Variants in CAB39L observed in about 807,000 individuals in gnomAD.
CAB39L encodes calcium-binding protein 39-like.
Under a neutral mutation model 39.1 loss-of-function variants are expected in CAB39L, and 23 were observed. That is an observed-to-expected ratio of 0.59 (90% CI 0.42 to 0.83). The LOEUF is 0.83. Among genes scored for constraint, CAB39L ranks in the 40% least tolerant of loss-of-function variants. The probability of loss-of-function intolerance (pLI) is 0.00; values close to 1 mark genes in which losing one functional copy is unlikely to be tolerated. For missense variants in CAB39L, 366 were observed against 391.9 expected, an observed-to-expected ratio of 0.93 and a Z score of 0.56; for synonymous variants, 126 against 137.2, an observed-to-expected ratio of 0.92 and a Z score of 0.57.
intron 4 of CAB39L, among the ~76,000 whole-genome samples, chr13:49,380,016 A>G (rs2138582818): frequency 6.6e-6 from 1 of 151,940 alleles, no homozygotes; most frequent in East Asian, 1.9e-4. Context: ...TAATTTTTAT[A>G]CTTTTAGTAG....
intron 8 of CAB39L, among the ~76,000 whole-genome samples, chr13:49,340,741 C>G (rs73485423): frequency 0.061 from 9,258 of 152,214 alleles, 627 homozygotes; most frequent in African/African-American, 0.16. Context: ...ATGACCTACT[C>G]CCGAGTCCAC....
chr13:49,413,939 A>G (rs916711612), intron 3 of CAB39L: 17 of 150,642 alleles, frequency 1.1e-4, no homozygotes, highest in Admixed American at 2.0e-4. Context: ...CTAGTTCCAA[A>G]TATGTATTCC....
At chr13:49,384,417 C>G (rs1237323953) in intron 3 of CAB39L, among the ~76,000 whole-genome samples, 1 of 152,134 alleles carries the variant, frequency 6.6e-6, no homozygotes, top group Non-Finnish European at 1.5e-5. Flanking sequence ...AGAGTTAGAA[C>G]CAACTTCTTC....
At chr13:49,442,997 A>G (rs1957567287) in intron 1 of CAB39L, among the ~76,000 whole-genome samples, 1 of 151,282 alleles carries the variant, frequency 6.6e-6, no homozygotes, top group African/African-American at 2.4e-5. Context: ...CTACCACAAA[A>G]TATTAGCCTT....
At chr13:49,392,056 C>G (rs1156565317) in intron 3 of CAB39L, among the ~76,000 whole-genome samples, 1 of 151,264 alleles carries the variant, frequency 6.6e-6, no homozygotes, top group African/African-American at 2.4e-5. Context: ...AAATATATAT[C>G]AAGCAATATT....
At chr13:49,411,599 T>G (rs1956991828) in intron 3 of CAB39L, among the ~76,000 whole-genome samples, 1 of 152,104 alleles carries the variant, frequency 6.6e-6, no homozygotes, top group Non-Finnish European at 1.5e-5. Context: ...GCATTATAAT[T>G]TATTTTATTT....
intron 3 of CAB39L, among the ~76,000 whole-genome samples, chr13:49,421,073 G>A (rs1031165225): frequency 7.9e-5 from 12 of 152,094 alleles, no homozygotes; most frequent in Non-Finnish European, 1.3e-4. Context: ...GGGACCTCAG[G>A]ACCCAGGAGA....
chr13:49,325,486 G>A (rs963744921), intron 10 of CAB39L, among the ~76,000 whole-genome samples: 1 of 152,196 alleles, frequency 6.6e-6, no homozygotes, highest in Non-Finnish European at 1.5e-5. Context: ...GTAGTTTGGT[G>A]TGCTAGAAAG....
At chr13:49,387,576 C>T (rs558786456) in intron 3 of CAB39L, among the ~76,000 whole-genome samples, 137 of 152,220 alleles carry the variant, frequency 9.0e-4, no homozygotes, top group Admixed American at 2.6e-3. Context: ...TTTTCCTCTT[C>T]CAGCAGTCAG....
intron 3 of CAB39L, chr13:49,401,247 C>G (rs566963713): frequency 6.6e-6 from 1 of 152,126 alleles, no homozygotes; most frequent in Non-Finnish European, 1.5e-5. Flanking sequence ...TAGCCTTTAT[C>G]GTCCATTTAA....
At chr13:49,377,499 C>A (rs1331722837) in intron 4 of CAB39L, among the ~76,000 whole-genome samples, 1 of 91,028 alleles carries the variant, frequency 1.1e-5, no homozygotes, top group Non-Finnish European at 2.2e-5. Flanking sequence ...TGCAACCTCC[C>A]TGCCTGATTC....
intron 3 of CAB39L, among the ~76,000 whole-genome samples, chr13:49,406,332 T>TA (rs1555264229): frequency 0.29 from 32,392 of 111,198 alleles, 4,425 homozygotes; most frequent in Middle Eastern, 0.47. Context: ...CATGCCCAGC[T>TA]ATTTTTTTTT....
At chr13:49,330,450 C>G (rs1432053155) in intron 10 of CAB39L, among the ~76,000 whole-genome samples, 2 of 151,896 alleles carry the variant, frequency 1.3e-5, no homozygotes, top group African/African-American at 4.8e-5. Context: ...CACAGCAAGA[C>G]CCTGTTTCTT....
chr13:49,355,072 G>A (rs1008496194), intron 6 of CAB39L, among the ~76,000 whole-genome samples: 4 of 152,056 alleles, frequency 2.6e-5, no homozygotes, highest in African/African-American at 9.7e-5. Flanking sequence ...AGAAACATTT[G>A]CTGACTAAAA....
At chr13:49,397,976 G>A (rs1343153391) in intron 3 of CAB39L, among the ~76,000 whole-genome samples, 1 of 151,988 alleles carries the variant, frequency 6.6e-6, no homozygotes, top group Admixed American at 6.6e-5. Context: ...ATTAAGACAT[G>A]GTTTATACAA....
chr13:49,309,886 TAGA>T lies in CAB39L; in HGVS notation c.*925_*927del, dbSNP rs1209452739. ...TCCTTCCAATGGTTATTGATACTGA[TAGA>T]AGTTCCCCGCTGAGACTCCCTGGAC... On this transcript the variant is annotated 3_prime_UTR_variant, in exon 11 of 11. Coordinates refer to ENST00000409308, the MANE Select transcript of CAB39L (RefSeq NM_001079670.3). The T allele has an allele frequency of 6.6e-6, 1 of 152,338 alleles. No homozygotes were observed. Among genetic ancestry groups the T allele is most frequent in the South Asian group, 2.1e-4 (1 of 4,828 alleles). 9.4% of individuals were successfully genotyped at this position (152,338 alleles called of 1,614,324 possible).
intron 3 of CAB39L, among the ~76,000 whole-genome samples, chr13:49,417,136 T>G (rs1439254618): frequency 2.0e-5 from 3 of 152,230 alleles, no homozygotes; most frequent in African/African-American, 7.2e-5. Context: ...AATCCATTCC[T>G]GATTAGTGTT....
At chr13:49,339,830 T>A (rs1954954589) in intron 8 of CAB39L, 88 bp from the exon 9 acceptor site, 2 of 1,308,606 alleles carry the variant, frequency 1.5e-6, no homozygotes, top group Non-Finnish European at 2.0e-6. Context: ...CAGGAGCAAA[T>A]TCCCAACTTC....
intron 7 of CAB39L, among the ~76,000 whole-genome samples, chr13:49,349,838 T>C (rs9596085): frequency 0.19 from 29,137 of 152,040 alleles, 3,057 homozygotes; most frequent in Admixed American, 0.27. Flanking sequence ...CTTCAAAATA[T>C]GTTAAATAAT....
Sources: allele counts gnomAD v4.1 joint callset (sites outside exome capture counted in the v4.1 genomes callset), GRCh38; gene constraint gnomAD v4.1.1; transcripts MANE v1.5; gene names NCBI Gene and HGNC (gene_info 2026-07-23, HGNC 2026-07-21).